Variants in FBXO11 observed in about 807,000 individuals in gnomAD.
FBXO11 encodes the protein F-box only protein 11.
A neutral mutation model predicts 117.0 loss-of-function variants in FBXO11; 13 were observed. The ratio of observed to expected loss-of-function variants is 0.11; its 90% confidence interval spans 0.07 to 0.18. The LOEUF (loss-of-function observed/expected upper bound fraction) is 0.18, where lower values mean the gene tolerates loss of function less well. Ranked by LOEUF, FBXO11 falls within the 10% of genes least tolerant of loss-of-function variation. The probability of loss-of-function intolerance (pLI) is 1.00; values close to 1 mark genes in which losing one functional copy is unlikely to be tolerated. For missense variants in FBXO11, 767 were observed against 1,164.4 expected, an observed-to-expected ratio of 0.66 and a Z score of 4.97; for synonymous variants, 490 against 380.5, an observed-to-expected ratio of 1.29 and a Z score of -3.35.
At chr2:47,844,129 C>G (rs1379072881) in intron 1 of FBXO11, among the ~76,000 whole-genome samples, 1 of 152,186 alleles carries the variant, frequency 6.6e-6, no homozygotes, top group Non-Finnish European at 1.5e-5. Context: ...TTTAACCCAT[C>G]TACTGCCAAT....
chr2:47,858,051 C>T (rs1007645980), intron 1 of FBXO11, among the ~76,000 whole-genome samples: 3 of 152,024 alleles, frequency 2.0e-5, no homozygotes, highest in South Asian at 2.1e-4. Flanking sequence ...AAAATCATTG[C>T]CTTGGGTCAC....
intron 1 of FBXO11, among the ~76,000 whole-genome samples, chr2:47,856,596 A>C (rs1325621789): frequency 1.3e-5 from 2 of 152,242 alleles, no homozygotes; most frequent in Non-Finnish European, 2.9e-5. Flanking sequence ...AAACAGCTAG[A>C]AATAATCTTT....
At chr2:47,898,873 T>C (rs1191209600) in intron 1 of FBXO11, among the ~76,000 whole-genome samples, 1 of 152,150 alleles carries the variant, frequency 6.6e-6, no homozygotes, top group East Asian at 1.9e-4. Flanking sequence ...GTGATATAAA[T>C]CAATTTTGAA....
chr2:47,856,764 C>T (rs1217964757), intron 1 of FBXO11, among the ~76,000 whole-genome samples: 1 of 152,136 alleles, frequency 6.6e-6, no homozygotes, highest in African/African-American at 2.4e-5. Context: ...AAGAAAACTT[C>T]ACTAACAATA....
intron 1 of FBXO11, among the ~76,000 whole-genome samples, chr2:47,858,105 G>C (rs1462784315): frequency 1.3e-5 from 2 of 152,028 alleles, no homozygotes; most frequent in African/African-American, 4.8e-5. Context: ...AATTATCCAA[G>C]TTTTATTTTT....
rs1338191016 is a variant in FBXO11 at position 47,849,174 on chromosome 2, G to A, written c.233-9405C>T. On this transcript the variant is annotated intron_variant, in intron 1 of 22. Transcript: ENST00000403359. The stretch of plus-strand genomic sequence containing the variant: ...TAACTGCTAAAAAAATTCACAAATG[G>A]AAATCAAGATAAAATTTAAATACTT... Among the ~76,000 whole-genome samples, 7 of 151,964 alleles carry A rather than the reference G, an allele frequency of 4.6e-5. No individual in the cohort carries two copies. The South Asian group carries it at 1.2e-3, about 27-fold the overall frequency.
chr2:47,846,691 A>C (rs1178301699), intron 1 of FBXO11, among the ~76,000 whole-genome samples: 1 of 152,194 alleles, frequency 6.6e-6, no homozygotes, highest in Non-Finnish European at 1.5e-5. Flanking sequence ...CTGCATTAAA[A>C]AATAAAACAG....
chr2:47,898,166 G>A (rs1023231156), intron 1 of FBXO11, among the ~76,000 whole-genome samples: 2 of 152,130 alleles, frequency 1.3e-5, no homozygotes, highest in African/African-American at 2.4e-5. Context: ...CTTATTCGGG[G>A]TGTTTAAAAA....
In FBXO11 at chr2:47,832,696, A is replaced by C. The variant is rs563058162; in HGVS notation, c.1154-18T>G. The C allele has an allele frequency of 6.8e-6, 11 of 1,611,406 alleles. No homozygotes were observed. In the Admixed American group the frequency reaches 1.8e-4, roughly 27 times the overall value. ...AGAACCAACTGTAGAAAAATTATTT[A>C]TTTATGTAAAAACCTACTGGGCAAC... On this transcript the variant is annotated intron_variant, in intron 9 of 22. Transcript: ENST00000403359.
Position 47,846,398 on chromosome 2 carries a change from A to G in FBXO11, c.233-6629T>C, listed in dbSNP as rs1014473924. On this transcript the variant is annotated intron_variant, in intron 1 of 22. Coordinates refer to ENST00000403359, the MANE Select transcript of FBXO11 (RefSeq NM_001190274.2). ...AGGAGAATTGCTTGAACCTGGAAGA[A>G]GGCGGCTGCGATGAGCGGAGATCAT... Among the ~76,000 whole-genome samples, 13 of 152,288 alleles carry G rather than the reference A, an allele frequency of 8.5e-5. No homozygotes were observed. The South Asian group carries it at 2.7e-3, about 32-fold the overall frequency.
Position 47,808,419 on chromosome 2 carries a change from G to C in FBXO11, c.2564C>G (p.Thr855Ser), listed in dbSNP as rs1670373529. ...YPMHDFYRCH[T>S]CNTTDRNAIC... ...GGCATTTCGATCTGTGGTGTTACAA[G>C]TATGACATCTAAAAAGCAAAAGCTT... Residue 855 changes from threonine (T) to serine (S), a missense_variant, in exon 22 of 23, where the codon ACT (threonine) becomes AGT (serine). Coordinates refer to ENST00000403359, the MANE Select transcript of FBXO11 (RefSeq NM_001190274.2). 6.3e-7 allele frequency: 1 copy of C among 1,586,996 alleles called. No individual in the cohort carries two copies. The highest frequency in any genetic ancestry group is 1.9e-5 in the Admixed American group (1 of 52,822).
At position 47,903,171 on chromosome 2, in the gene FBXO11, T is replaced by C. The variant is rs553183471; in HGVS notation, c.232+2318A>G. On this transcript the variant is annotated intron_variant, in intron 1 of 22. Coordinates refer to ENST00000403359, the MANE Select transcript of FBXO11 (RefSeq NM_001190274.2). ...TCAATTTTTCAAAGAATAACATATTTTTCCATATGGCTGGCAACATCTTTA... is the reference window on the plus strand; with the variant it reads ...TCAATTTTTCAAAGAATAACATATTCTTCCATATGGCTGGCAACATCTTTA... Among the ~76,000 whole-genome samples, 4 of 152,332 alleles carry C rather than the reference T, an allele frequency of 2.6e-5. No individual in the cohort carries two copies. In the East Asian group the frequency reaches 7.7e-4, roughly 29 times the overall value.
At chr2:47,890,736 A>G (rs116797362) in intron 1 of FBXO11, among the ~76,000 whole-genome samples, 1 of 152,026 alleles carries the variant, frequency 6.6e-6, no homozygotes, top group African/African-American at 2.4e-5. Context: ...CTCGGGAGGC[A>G]GAGGTTGCAG....
rs1572877084 is a variant in FBXO11 at position 47,869,413 on chromosome 2, T to C, written c.233-29644A>G. Among the ~76,000 whole-genome samples, 3 of 152,348 alleles carry C rather than the reference T, an allele frequency of 2.0e-5. No individual in the cohort carries two copies. The South Asian group carries it at 6.2e-4, about 32-fold the overall frequency. ...GTGACTGATCTTGACAACCAAGCGG[T>C]AACTAACTCTACAATGAAGGAAAGG... is the stretch of plus-strand genomic sequence containing the variant. On this transcript the variant is annotated intron_variant, in intron 1 of 22. Coordinates refer to ENST00000403359, the MANE Select transcript of FBXO11 (RefSeq NM_001190274.2).
At position 47,807,859 on chromosome 2, in the gene FBXO11, A is replaced by C; in HGVS notation, c.*259T>G. 1 of 350,292 alleles carries C rather than the reference A, an allele frequency of 2.9e-6. No homozygotes were observed. Among genetic ancestry groups the C allele is most frequent in the Non-Finnish European group, 5.2e-6 (1 of 190,994 alleles). 21.7% of individuals were successfully genotyped at this position (350,292 alleles called of 1,614,324 possible). A position where few individuals can be genotyped will look rare whatever the true frequency, so the allele number is the denominator to read the frequency against. On this transcript the variant is annotated 3_prime_UTR_variant, in exon 23 of 23. Coordinates refer to ENST00000403359, the MANE Select transcript of FBXO11 (RefSeq NM_001190274.2). ...TTTTCAGAAGTTGGTATCTGTACAA[A>C]ATTGCAGCTTATTTTCTTCACTTCT...
At chr2:47,855,083 T>C (rs1674177377) in intron 1 of FBXO11, among the ~76,000 whole-genome samples, 1 of 152,094 alleles carries the variant, frequency 6.6e-6, no homozygotes, top group Non-Finnish European at 1.5e-5. Context: ...TTTCTAGAAT[T>C]GTGAGATCAC....
At chr2:47,886,538 T>C (rs1311706534) in intron 1 of FBXO11, among the ~76,000 whole-genome samples, 1 of 151,400 alleles carries the variant, frequency 6.6e-6, no homozygotes, top group African/African-American at 2.4e-5. Flanking sequence ...TCTACTAAAA[T>C]TGTGATATAA....
intron 1 of FBXO11, among the ~76,000 whole-genome samples, chr2:47,859,053 AAAAAAG>A (rs1273805898): frequency 2.1e-3 from 323 of 151,444 alleles, no homozygotes; most frequent in African/African-American, 7.3e-3. Context: ...AAAAAAAAAA[AAAAAAG>A]AAAAGAAAAG....
chr2:47,833,757 T>A (rs1438381858), intron 7 of FBXO11, among the ~76,000 whole-genome samples: 4 of 152,182 alleles, frequency 2.6e-5, no homozygotes, highest in Non-Finnish European at 5.9e-5. Flanking sequence ...AATATTAGCA[T>A]CTTTCTTTGC....
Sources: allele counts gnomAD v4.1 joint callset (sites outside exome capture counted in the v4.1 genomes callset), GRCh38; gene constraint gnomAD v4.1.1; transcripts MANE v1.5; gene names NCBI Gene and HGNC (gene_info 2026-07-23, HGNC 2026-07-21).